The following GLB1L3 variants were observed in gnomAD, a reference collection of about 807,000 sequenced individuals.
GLB1L3 encodes the protein galactosidase beta 1 like 3, also known as beta-galactosidase-1-like protein 3.
In GLB1L3, 89 loss-of-function variants were observed where a neutral mutation model predicts 89.5. That is an observed-to-expected ratio of 0.99 (90% CI 0.84 to 1.19). GLB1L3 has a LOEUF of 1.19. Among genes scored for constraint, GLB1L3 ranks in the 50% most tolerant of loss-of-function variants. The pLI is 0.00. For missense variants in GLB1L3, 812 were observed against 813.3 expected, an observed-to-expected ratio of 1.00 and a Z score of 0.02; for synonymous variants, 314 against 312.3, an observed-to-expected ratio of 1.01 and a Z score of -0.06.
intron 3 of GLB1L3, among the ~76,000 whole-genome samples, chr11:134,278,152 T>G (rs574334037): frequency 6.6e-6 from 1 of 152,298 alleles, no homozygotes; most frequent in South Asian, 2.1e-4. Context: ...GGTTATTTCC[T>G]CAGGATTCTG....
intron 13 of GLB1L3, chr11:134,311,411 G>T (rs1312141734): frequency 2.0e-6 from 1 of 493,924 alleles, no homozygotes; most frequent in African/African-American, 1.9e-5. Flanking sequence ...CCGCTTAGAT[G>T]AACCTGTCTG....
intron 11 of GLB1L3, chr11:134,310,308 G>A (rs1942660019): frequency 3.9e-6 from 2 of 516,762 alleles, no homozygotes; most frequent in African/African-American, 1.9e-5. Context: ...TAGCCCATGA[G>A]CTGTGGGTTG....
intron 9 of GLB1L3, 48 bp downstream of exon 9, chr11:134,293,257 C>T: frequency 7.0e-7 from 1 of 1,426,100 alleles, no homozygotes; most frequent in Non-Finnish European, 9.9e-7. Context: ...CCTACCATGA[C>T]CTCCCTTGCC....
chr11:134,322,165 T>G (rs1264736798), downstream of GLB1L3, among the ~76,000 whole-genome samples: 1 of 152,180 alleles, frequency 6.6e-6, no homozygotes, highest in African/African-American at 2.4e-5. Flanking sequence ...CTATAGTAAC[T>G]GTATTAACAT....
intron 7 of GLB1L3, among the ~76,000 whole-genome samples, chr11:134,289,616 G>A (rs759164562): frequency 2.0e-5 from 3 of 152,138 alleles, no homozygotes; most frequent in Non-Finnish European, 4.4e-5. Flanking sequence ...TATGACCCAC[G>A]ACTCTCATTA....
intron 6 of GLB1L3, among the ~76,000 whole-genome samples, chr11:134,284,700 G>T (rs1304106494): frequency 6.6e-6 from 1 of 151,996 alleles, no homozygotes; most frequent in African/African-American, 2.4e-5. Flanking sequence ...CCACACTCCA[G>T]CCTGGGCAAC....
chr11:134,313,620 C>G (rs1404698158), intron 16 of GLB1L3, 146 bp downstream of exon 16: 1 of 728,210 alleles, frequency 1.4e-6, no homozygotes, highest in East Asian at 2.7e-5. Context: ...AAAATCGGCC[C>G]CTCGCCCTTG....
chr11:134,321,921 A>T (rs1016299949), downstream of GLB1L3, among the ~76,000 whole-genome samples: 2 of 149,968 alleles, frequency 1.3e-5, no homozygotes, highest in African/African-American at 2.5e-5. Flanking sequence ...AGTATAATAA[A>T]AAAAAAAGTA....
At chr11:134,305,844 A>G (rs1942183198) in intron 9 of GLB1L3, among the ~76,000 whole-genome samples, 1 of 152,172 alleles carries the variant, frequency 6.6e-6, no homozygotes, top group Admixed American at 6.5e-5. Flanking sequence ...GAAATTAAAA[A>G]TCTAATATTT....
intron 9 of GLB1L3, among the ~76,000 whole-genome samples, chr11:134,300,428 G>A (rs1416481270): frequency 6.6e-6 from 1 of 150,978 alleles, no homozygotes; most frequent in Non-Finnish European, 1.5e-5. Context: ...CACCTCCTGG[G>A]TTCACACCAT....
Position 134,312,361 on chromosome 11 carries a change from C to T in GLB1L3, c.1300C>T (p.Arg434Cys), listed in dbSNP as rs202129062. The T allele has an allele frequency of 4.3e-5, 70 of 1,613,470 alleles. No individual in the cohort carries two copies. The highest frequency in any genetic ancestry group is 1.6e-4 in the African/African-American group (12 of 74,936). ...LSYLNEPVRSRQPVNMENLPI... is the reference protein window; with the variant it reads ...LSYLNEPVRSCQPVNMENLPI... Reference sequence around the variant, plus strand: ...TTTCTCCTCATAGCCAGTCAGGTCGCGTCAGCCCGTCAACATGGAGAACCT... The same window carrying T: ...TTTCTCCTCATAGCCAGTCAGGTCGTGTCAGCCCGTCAACATGGAGAACCT... Residue 434 changes from arginine to cysteine, a missense_variant, in exon 14 of 20, where the codon CGT becomes TGT. Arg to Cys is a radical substitution (Grantham distance 180, BLOSUM62 -3). Coordinates refer to ENST00000431683, the MANE Select transcript of GLB1L3 (RefSeq NM_001080407.3).
At chr11:134,293,092 C>T (rs1033559629) in intron 8 of GLB1L3, 53 bp from the exon 9 acceptor site, 72 of 1,495,810 alleles carry the variant, frequency 4.8e-5, no homozygotes, top group Non-Finnish European at 6.3e-5. Flanking sequence ...TCCTTCCCTT[C>T]CCTGACAGCA....
intron 1 of GLB1L3, 191 bp from the exon 2 acceptor site, chr11:134,277,135 T>C (rs1414031616): frequency 1.3e-5 from 9 of 712,596 alleles, no homozygotes; most frequent in Non-Finnish European, 2.2e-5. Context: ...CCGGCCTTCA[T>C]CCTGGCTGCA....
chr11:134,314,448 G>C lies in GLB1L3; in HGVS notation c.1779+7G>C, dbSNP rs1942894317. 1.3e-6 allele frequency: 2 copies of C among 1,513,860 alleles called. No homozygotes were observed. Among genetic ancestry groups the C allele is most frequent in the South Asian group, 2.4e-5 (2 of 83,276 alleles). 93.8% of individuals were successfully genotyped at this position (1,513,860 alleles called of 1,614,324 possible). On this transcript the variant is annotated splice_region_variant and intron_variant, in intron 18 of 19. Coordinates refer to ENST00000431683, the MANE Select transcript of GLB1L3 (RefSeq NM_001080407.3). ...CACCTTCCTGAGCCTGCTGGTAGGT[G>C]ATGCCCTCTGCTGCCCTGGTGTTCC...
At position 134,309,700 on chromosome 11, in the gene GLB1L3, A is replaced by G; in HGVS notation, c.1036A>G (p.Asn346Asp). The change falls in exon 11 of 20, where the codon AAC becomes GAC. Residue 346 changes from asparagine (N) to aspartate (D), a missense_variant. By Grantham distance (23) the Asn-to-Asp change is conservative. Transcript: ENST00000431683. Reference sequence around the variant, plus strand: ...TGTATATATGTTCCATGGTGGAACCAACTTTGGTTTCATGAACGGGGCCAC... The same window carrying G: ...TGTATATATGTTCCATGGTGGAACCGACTTTGGTTTCATGAACGGGGCCAC... ...FNVYMFHGGT[N>D]FGFMNGATYF... 6.2e-7 allele frequency: 1 copy of G among 1,613,430 alleles called. No homozygotes were observed.
chr11:134,323,307 G>T (rs1344271117), downstream of GLB1L3, among the ~76,000 whole-genome samples: 1 of 152,118 alleles, frequency 6.6e-6, no homozygotes, highest in African/African-American at 2.4e-5. Context: ...CATCACCTGA[G>T]GTCAGGCGTT....
intron 13 of GLB1L3, 146 bp downstream of exon 13, chr11:134,311,316 T>C (rs1350710971): frequency 7.2e-6 from 5 of 690,176 alleles, no homozygotes; most frequent in African/African-American, 3.5e-5. Context: ...AGCCACCAGC[T>C]CCTTCCGGGT....
At chr11:134,305,640 T>A (rs1342226944) in intron 9 of GLB1L3, among the ~76,000 whole-genome samples, 1 of 151,970 alleles carries the variant, frequency 6.6e-6, no homozygotes, top group Admixed American at 6.6e-5. Flanking sequence ...TTTAATAAAA[T>A]TTCACAAAGA....
At chr11:134,301,160 G>T (rs948477591) in intron 9 of GLB1L3, among the ~76,000 whole-genome samples, 1 of 152,198 alleles carries the variant, frequency 6.6e-6, no homozygotes, top group Non-Finnish European at 1.5e-5. Context: ...CTTGGGTCCA[G>T]CTTCTTCCTG....
Sources: allele counts gnomAD v4.1 joint callset (sites outside exome capture counted in the v4.1 genomes callset), GRCh38; gene constraint gnomAD v4.1.1; transcripts MANE v1.5; gene names NCBI Gene and HGNC (gene_info 2026-07-23, HGNC 2026-07-21).